BBX: variants seen among roughly 807,000 people sequenced by gnomAD.
BBX encodes the protein BBX high mobility group box domain containing, also known as HMG box transcription factor BBX.
Under a neutral mutation model 100.2 loss-of-function variants are expected in BBX, and 30 were observed. The observed-to-expected ratio is 0.30, with a 90% CI of 0.22 to 0.41. The LOEUF (loss-of-function observed/expected upper bound fraction) is 0.41, where lower values mean the gene tolerates loss of function less well. Ranked by LOEUF, BBX falls within the 10% of genes least tolerant of loss-of-function variation. The probability of loss-of-function intolerance (pLI) is 1.00; values close to 1 mark genes in which losing one functional copy is unlikely to be tolerated. For synonymous variants in BBX, 376 were observed against 388.1 expected (o/e 0.97, Z 0.37); for missense variants, 1,023 against 1,129.8 (o/e 0.91, Z 1.35).
At chr3:107,540,341 CT>C (rs1175949447) in intron 2 of BBX, among the ~76,000 whole-genome samples, 3 of 152,170 alleles carry the variant, frequency 2.0e-5, no homozygotes, top group Admixed American at 1.3e-4. Flanking sequence ...TTGTGACCAT[CT>C]TAAGCAGTAA....
chr3:107,612,893 G>A (rs1045108540), intron 2 of BBX, among the ~76,000 whole-genome samples: 2 of 152,192 alleles, frequency 1.3e-5, no homozygotes, highest in Non-Finnish European at 2.9e-5. Flanking sequence ...AGAGCCTGGA[G>A]TCAGAAACCT....
rs187079728 is a variant in BBX, at chr3:107,807,309, A to G, written c.*1852A>G. The G allele has an allele frequency of 6.6e-6, 1 of 152,222 alleles. No homozygotes were observed. Among genetic ancestry groups the G allele is most frequent in the Non-Finnish European group, 1.5e-5 (1 of 68,038 alleles). 9.4% of individuals were successfully genotyped at this position (152,222 alleles called of 1,614,324 possible). ...GAAGGCATTAGTAAAAGGTTAATCA[A>G]ACGTTACAACTTAACCCCATTCATG... On this transcript the variant is annotated 3_prime_UTR_variant, in exon 18 of 18. Coordinates refer to ENST00000325805, the MANE Select transcript of BBX (RefSeq NM_001142568.3).
chr3:107,769,579 A>G lies in BBX; in HGVS notation c.907-3049A>G, dbSNP rs993166175. ...ACTTTTGAAGTGTGGAAGCCTTTAC[A>G]TGTGATGAGCTGTTAAGGGAGATGG... On this transcript the variant is annotated intron_variant, in intron 10 of 17. Transcript: ENST00000325805. 3.3e-5 allele frequency among the ~76,000 whole-genome samples: 5 copies of G among 152,172 alleles called. 1 individual carries two copies. Among genetic ancestry groups the G allele is most frequent in the African/African-American group, 1.2e-4 (5 of 41,448 alleles).
chr3:107,556,609 G>T (rs1270020151), intron 2 of BBX, among the ~76,000 whole-genome samples: 1 of 152,096 alleles, frequency 6.6e-6, no homozygotes, highest in East Asian at 1.9e-4. Context: ...GATTGCTTTA[G>T]GAAATGCGTG....
chr3:107,742,183 A>G (rs2064164380), intron 7 of BBX, among the ~76,000 whole-genome samples: 1 of 152,054 alleles, frequency 6.6e-6, no homozygotes, highest in Admixed American at 6.6e-5. Flanking sequence ...TGTTTTCCCT[A>G]TTCAATTTGT....
chr3:107,562,250 T>C (rs571581988), intron 2 of BBX, among the ~76,000 whole-genome samples: 170 of 152,282 alleles, frequency 1.1e-3, no homozygotes, highest in African/African-American at 4.0e-3. Flanking sequence ...AAAACACTTG[T>C]TGATTTGGTT....
At chr3:107,769,227 T>TAGATAGATAGACAGAC (rs776680873) in intron 10 of BBX, among the ~76,000 whole-genome samples, 7 of 89,786 alleles carry the variant, frequency 7.8e-5, no homozygotes, top group African/African-American at 1.9e-4. Context: ...GATAGATAGA[T>TAGATAGATAGACAGAC]AGACAGATAG....
intron 11 of BBX, 24 bp from the exon 12 acceptor site, chr3:107,774,695 A>T (rs1234362413): frequency 6.2e-7 from 1 of 1,611,092 alleles, no homozygotes; most frequent in Non-Finnish European, 8.5e-7. Context: ...TACCAAACAC[A>T]TCCTTTCTCT....
chr3:107,586,203 A>G (rs35949699), intron 2 of BBX, among the ~76,000 whole-genome samples: 290 of 152,298 alleles, frequency 1.9e-3, no homozygotes, highest in South Asian at 8.7e-3. Context: ...TTATTTATAT[A>G]TTATTAACTA....
chr3:107,621,025 T>C (rs1417037573), intron 2 of BBX, among the ~76,000 whole-genome samples: 1 of 152,150 alleles, frequency 6.6e-6, no homozygotes. Flanking sequence ...GGCTCATCTT[T>C]ATAACCTGGC....
At chr3:107,567,384 T>C (rs868384291) in intron 2 of BBX, among the ~76,000 whole-genome samples, 2 of 152,152 alleles carry the variant, frequency 1.3e-5, no homozygotes, top group African/African-American at 4.8e-5. Context: ...AGTTGTGTTA[T>C]GGGTTTTGTC....
Position 107,716,727 on chromosome 3 carries a change from C to CGCT in BBX, c.284_286dup (p.Arg95_Ser96insCys), listed in dbSNP as rs767644500. Reference sequence around the variant, plus strand: ...ATTTCTTTTATTTTGCAAACGCCATCGCTCTCTTGTACGTCAGGAACACCC... The same window carrying CGCT: ...ATTTCTTTTATTTTGCAAACGCCATCGCTGCTCTCTTGTACGTCAGGAACACCC... On this transcript the variant is annotated inframe_insertion, in exon 5 of 18. Transcript: ENST00000325805. 6.2e-7 allele frequency: 1 copy of CGCT among 1,613,784 alleles called. No homozygotes were observed. Among genetic ancestry groups the CGCT allele is most frequent in the Non-Finnish European group, 8.5e-7 (1 of 1,179,798 alleles).
chr3:107,564,489 C>G (rs1229928304), intron 2 of BBX, among the ~76,000 whole-genome samples: 1 of 152,036 alleles, frequency 6.6e-6, no homozygotes, highest in Non-Finnish European at 1.5e-5. Flanking sequence ...TAGGTTGATT[C>G]ACACATTTAA....
chr3:107,731,601 G>A (rs1032479), intron 6 of BBX, among the ~76,000 whole-genome samples: 22,214 of 151,932 alleles, frequency 0.15, 1,991 homozygotes, highest in Middle Eastern at 0.32. Context: ...GCCTTCCAAT[G>A]TTGAGCTATT....
chr3:107,570,857 C>T (rs1177670461), intron 2 of BBX, among the ~76,000 whole-genome samples: 1 of 152,068 alleles, frequency 6.6e-6, no homozygotes, highest in African/African-American at 2.4e-5. Context: ...CAAGTTCGCA[C>T]TGGGAGTAGA....
At chr3:107,696,386 A>C (rs2060602246) in intron 3 of BBX, among the ~76,000 whole-genome samples, 1 of 151,572 alleles carries the variant, frequency 6.6e-6, no homozygotes, top group Non-Finnish European at 1.5e-5. Context: ...CTTTTAGGGC[A>C]GGCCTGGTGG....
intron 3 of BBX, among the ~76,000 whole-genome samples, chr3:107,687,709 C>CAT (rs2059929438): frequency 6.6e-6 from 1 of 152,092 alleles, no homozygotes; most frequent in African/African-American, 2.4e-5. Context: ...TTATTGGTCC[C>CAT]ATAGTTCACT....
At chr3:107,703,724 T>C (rs1383083416) in intron 3 of BBX, among the ~76,000 whole-genome samples, 1 of 152,200 alleles carries the variant, frequency 6.6e-6, no homozygotes, top group Non-Finnish European at 1.5e-5. Flanking sequence ...CTTTATTGAA[T>C]GAGATATTTT....
chr3:107,686,031 TAA>T (rs2059828193), intron 3 of BBX, among the ~76,000 whole-genome samples: 1 of 152,160 alleles, frequency 6.6e-6, no homozygotes. Context: ...AAGAAGAAAC[TAA>T]GAGTCCTTTT....
Sources: allele counts gnomAD v4.1 joint callset (sites outside exome capture counted in the v4.1 genomes callset), GRCh38; gene constraint gnomAD v4.1.1; transcripts MANE v1.5; gene names NCBI Gene and HGNC (gene_info 2026-07-23, HGNC 2026-07-21).